TP63: variants seen among roughly 807,000 people sequenced by gnomAD.
TP63 encodes the protein tumor protein 63.
In TP63, 17 loss-of-function variants were observed where a neutral mutation model predicts 82.8. The observed-to-expected ratio is 0.21, with a 90% CI of 0.14 to 0.31. The LOEUF (loss-of-function observed/expected upper bound fraction) is 0.31. Among genes scored for constraint, TP63 ranks in the 10% least tolerant of loss-of-function variants. The pLI is 1.00. For missense variants in TP63, 648 were observed against 895.3 expected, an observed-to-expected ratio of 0.72 and a Z score of 3.52; for synonymous variants, 330 against 321.7, an observed-to-expected ratio of 1.03 and a Z score of -0.28.
At chr3:189,729,733 C>T (rs1181525743) in intron 1 of TP63, among the ~76,000 whole-genome samples, 1 of 151,880 alleles carries the variant, frequency 6.6e-6, no homozygotes, top group Non-Finnish European at 1.5e-5. Flanking sequence ...GGAAAGATTT[C>T]CATCTAAGGA....
chr3:189,858,126 C>CACAGTAGAATACTATT (rs148636152), intron 4 of TP63, among the ~76,000 whole-genome samples: 8 of 148,258 alleles, frequency 5.4e-5, no homozygotes, highest in South Asian at 2.1e-4. Context: ...TGTGTATAGG[C>CACAGTAGAATACTATT]CGGGCGCGGT....
chr3:189,626,005 A>G, the TP63 span, among the ~76,000 whole-genome samples: 4 of 152,134 alleles, frequency 2.6e-5, no homozygotes, highest in Non-Finnish European at 5.9e-5. Flanking sequence ...ACTTAACTAT[A>G]AATGTTTATT....
chr3:189,685,281 T>C (rs1156592286), intron 1 of TP63, among the ~76,000 whole-genome samples: 2 of 152,174 alleles, frequency 1.3e-5, no homozygotes, highest in African/African-American at 4.8e-5. Context: ...CAGAGTCAAA[T>C]GGACTGGAGA....
intron 3 of TP63, among the ~76,000 whole-genome samples, chr3:189,744,195 G>C (rs188606264): frequency 6.6e-6 from 1 of 151,954 alleles, no homozygotes; most frequent in African/African-American, 2.4e-5. Context: ...CAACAGAGTA[G>C]CAGTGACACA....
chr3:189,723,389 T>A (rs1043645929), intron 1 of TP63, among the ~76,000 whole-genome samples: 2 of 152,228 alleles, frequency 1.3e-5, no homozygotes, highest in Admixed American at 1.3e-4. Context: ...TTCATGTTGG[T>A]ATCTAATTCA....
Position 189,872,941 on chromosome 3 carries a change from T to C in TP63, c.1295T>C (p.Ile432Thr). The stretch of plus-strand genomic sequence containing the variant: ...ATGCAGTACCTTCCTCAGCACACAA[T>C]TGAAACGTACAGGCAACAGCAACAG... ...ELMQYLPQHTIETYRQQQQQQ... is the reference protein window; with the variant it reads ...ELMQYLPQHTTETYRQQQQQQ... Residue 432 changes from isoleucine (I) to threonine (T), a missense_variant, in exon 10 of 14, where the codon ATT becomes ACT. Ile to Thr is a moderately conservative substitution (Grantham distance 89). Around this residue, in one of 5 missense-constraint regions of TP63, gnomAD observed 342 missense variants for 425.7 expected, o/e 0.80. Transcript: ENST00000264731. 1.2e-6 allele frequency: 2 copies of C among 1,614,094 alleles called. No individual in the cohort carries two copies. The highest frequency in any genetic ancestry group is 1.7e-6 in the Non-Finnish European group (2 of 1,180,016).
intron 1 of TP63, among the ~76,000 whole-genome samples, chr3:189,706,845 A>C (rs9839197): frequency 0.029 from 4,413 of 152,294 alleles, 97 homozygotes; most frequent in East Asian, 0.12. Context: ...CTGACTCTAG[A>C]TCTCTGATAC....
At chr3:189,684,079 C>G (rs1716205997) in intron 1 of TP63, among the ~76,000 whole-genome samples, 1 of 152,162 alleles carries the variant, frequency 6.6e-6, no homozygotes, top group African/African-American at 2.4e-5. Flanking sequence ...AGAAAACCCA[C>G]AGCATGATGT....
chr3:189,868,469 C>T (rs969609088), intron 7 of TP63, 111 bp from the exon 8 acceptor site: 3 of 1,501,696 alleles, frequency 2.0e-6, no homozygotes, highest in Non-Finnish European at 2.7e-6. Flanking sequence ...CATGGCTAAG[C>T]TGGTAGTACG....
intron 4 of TP63, among the ~76,000 whole-genome samples, chr3:189,860,755 T>G (rs938268801): frequency 1.3e-5 from 2 of 152,220 alleles, no homozygotes; most frequent in African/African-American, 4.8e-5. Context: ...TGAATTGTCC[T>G]GGCATGACGT....
Position 189,808,136 on chromosome 3 carries a change from G to A in TP63, c.325-136G>A, listed in dbSNP as rs367966434. On this transcript the variant is annotated intron_variant, in intron 3 of 13. Transcript: ENST00000264731. ...TTTTCTCTGTTTACCAAAAATCAAC[G>A]GTTTTACTTTGAATGTGAAGTGCTT... 116 of 1,436,628 alleles carry A rather than the reference G, an allele frequency of 8.1e-5. No homozygotes were observed. In the African/African-American group the frequency reaches 9.3e-4, roughly 12 times the overall value. The allele number at this position is 1,436,628 out of a possible 1,614,324, so 89.0% of individuals were successfully genotyped here. A position where few individuals can be genotyped will look rare whatever the true frequency, so the allele number is the denominator to read the frequency against.
At chr3:189,694,018 G>A (rs1408838455) in intron 1 of TP63, among the ~76,000 whole-genome samples, 1 of 152,126 alleles carries the variant, frequency 6.6e-6, no homozygotes, top group Non-Finnish European at 1.5e-5. Context: ...ACTATCTGAG[G>A]TTTAAGAGGT....
intron 1 of TP63, among the ~76,000 whole-genome samples, chr3:189,645,865 A>T (rs916749701): frequency 6.8e-6 from 1 of 147,460 alleles, no homozygotes; most frequent in African/African-American, 2.5e-5. Context: ...ATAGTATTCC[A>T]TGGAATATAC....
chr3:189,862,231 T>G (rs1169533857), intron 4 of TP63, among the ~76,000 whole-genome samples: 1 of 152,192 alleles, frequency 6.6e-6, no homozygotes, highest in Non-Finnish European at 1.5e-5. Flanking sequence ...TAAGAGACAG[T>G]ATGCTTGTAA....
intron 1 of TP63, among the ~76,000 whole-genome samples, chr3:189,677,926 G>A (rs79692229): frequency 0.14 from 20,743 of 151,764 alleles, 1,488 homozygotes; most frequent in South Asian, 0.22. Flanking sequence ...TACTTTGCCC[G>A]TTTTTTCAAT....
At chr3:189,654,814 T>C (rs1473550706) in intron 1 of TP63, among the ~76,000 whole-genome samples, 1 of 152,216 alleles carries the variant, frequency 6.6e-6, no homozygotes, top group Admixed American at 6.5e-5. Context: ...GCTCAACTAT[T>C]TTGCCATGTC....
chr3:189,787,809 A>T (rs940889186), intron 3 of TP63, among the ~76,000 whole-genome samples: 5 of 151,948 alleles, frequency 3.3e-5, no homozygotes, highest in Non-Finnish European at 7.4e-5. Flanking sequence ...CCCAAGCGTG[A>T]CTCATCCAGA....
chr3:189,623,928 AAAAT>A, the TP63 span, among the ~76,000 whole-genome samples: 2 of 152,174 alleles, frequency 1.3e-5, no homozygotes, highest in African/African-American at 2.4e-5. Flanking sequence ...TTGTGGGTAA[AAAAT>A]AAATAAATAA....
chr3:189,804,034 C>G (rs139636567), intron 3 of TP63, among the ~76,000 whole-genome samples: 1 of 152,242 alleles, frequency 6.6e-6, no homozygotes, highest in African/African-American at 2.4e-5. Flanking sequence ...TATTTCATTT[C>G]AGATACGCCA....
Sources: gnomAD v4.1 joint callset for allele counts (sites outside exome capture counted in the v4.1 genomes callset) on GRCh38, gnomAD v4.1.1 for gene constraint, gnomAD v4.1.1 regional missense constraint, MANE v1.5 for transcripts, NCBI Gene and HGNC (gene_info 2026-07-23, HGNC 2026-07-21) for gene names.